Variants in GRIP1 observed in about 807,000 individuals in gnomAD.
GRIP1 encodes the protein glutamate receptor-interacting protein 1.
Under a neutral mutation model 129.9 loss-of-function variants are expected in GRIP1, and 45 were observed. The observed-to-expected ratio is 0.35, with a 90% confidence interval of 0.27 to 0.44. The LOEUF (loss-of-function observed/expected upper bound fraction) is 0.44, where lower values mean the gene tolerates loss of function less well. GRIP1 is among the 20% of genes least tolerant of loss of function. The pLI, the probability that GRIP1 is intolerant of heterozygous loss-of-function variation, is 1.00. For missense variants in GRIP1, 1,196 were observed against 1,396.8 expected (o/e 0.86, Z 2.29); for synonymous variants, 530 against 520.8 (o/e 1.02, Z -0.24).
At chr12:66,557,199 T>A (rs1013842841) in intron 2 of GRIP1, among the ~76,000 whole-genome samples, 2 of 152,070 alleles carry the variant, frequency 1.3e-5, no homozygotes, top group African/African-American at 4.8e-5. Flanking sequence ...ACAAAATAGA[T>A]TTTGAGACAA....
chr12:66,730,899 A>G (rs1267715264), intron 1 of GRIP1, among the ~76,000 whole-genome samples: 1 of 152,124 alleles, frequency 6.6e-6, no homozygotes, highest in Non-Finnish European at 1.5e-5. Context: ...TGAAACTTTA[A>G]TGGCATTCTA....
intron 1 of GRIP1, among the ~76,000 whole-genome samples, chr12:66,812,054 T>C (rs560520817): frequency 6.6e-6 from 1 of 152,362 alleles, no homozygotes; most frequent in South Asian, 2.1e-4. Flanking sequence ...TTTAAAGCAC[T>C]TGTGAGTTTT....
intron 1 of GRIP1, among the ~76,000 whole-genome samples, chr12:66,888,152 C>T (rs1308036571): frequency 2.0e-5 from 3 of 151,922 alleles, no homozygotes; most frequent in African/African-American, 7.3e-5. Context: ...CGACCTGGGG[C>T]TCAAGTGATC....
chr12:66,581,642 C>G (rs1327099385), intron 2 of GRIP1, among the ~76,000 whole-genome samples: 1 of 151,802 alleles, frequency 6.6e-6, no homozygotes, highest in East Asian at 1.9e-4. Flanking sequence ...CGCAAATAAA[C>G]TAGAAAATCT....
chr12:66,683,378 A>C (rs538505564), upstream of GRIP1, among the ~76,000 whole-genome samples: 2 of 152,298 alleles, frequency 1.3e-5, no homozygotes, highest in South Asian at 4.1e-4. Context: ...AGAACTCGCC[A>C]GTAATGAGCT....
chr12:66,401,457 TAATCCCA>T (rs2056984455), intron 16 of GRIP1, among the ~76,000 whole-genome samples: 2 of 151,552 alleles, frequency 1.3e-5, no homozygotes, highest in Admixed American at 1.3e-4. Context: ...TGGACACCTG[TAATCCCA>T]GCTACTTGGG....
At chr12:67,006,867 G>C (rs185319834) in intron 1 of GRIP1, among the ~76,000 whole-genome samples, 1 of 152,308 alleles carries the variant, frequency 6.6e-6, no homozygotes, top group Non-Finnish European at 1.5e-5. Flanking sequence ...TACATGCATG[G>C]GCAATGTTTC....
intron 23 of GRIP1, among the ~76,000 whole-genome samples, chr12:66,363,120 T>C (rs1258839550): frequency 6.8e-6 from 1 of 146,332 alleles, no homozygotes; most frequent in African/African-American, 2.6e-5. Flanking sequence ...TAACTTTATA[T>C]ATATATACAC....
At chr12:66,722,421 G>A (rs1336012567) in intron 1 of GRIP1, among the ~76,000 whole-genome samples, 1 of 152,126 alleles carries the variant, frequency 6.6e-6, no homozygotes, top group Admixed American at 6.6e-5. Context: ...ACATTGATTA[G>A]GTTTGCTGTC....
intron 13 of GRIP1, among the ~76,000 whole-genome samples, chr12:66,438,301 A>C (rs932942370): frequency 6.6e-6 from 1 of 152,110 alleles, no homozygotes; most frequent in African/African-American, 2.4e-5. Context: ...GGACAATTAC[A>C]TACAATAAAA....
At chr12:66,645,902 A>G (rs927426331) in intron 1 of GRIP1, among the ~76,000 whole-genome samples, 5 of 152,212 alleles carry the variant, frequency 3.3e-5, no homozygotes, top group African/African-American at 1.2e-4. Context: ...GAAAATCATC[A>G]ATGTAAGCGT....
At chr12:66,915,419 G>A (rs2041104471) in intron 1 of GRIP1, among the ~76,000 whole-genome samples, 1 of 152,182 alleles carries the variant, frequency 6.6e-6, no homozygotes, top group African/African-American at 2.4e-5. Context: ...GATGAGGGAG[G>A]GAGCTGTCTA....
At chr12:66,614,180 G>T (rs1312497402) in intron 1 of GRIP1, among the ~76,000 whole-genome samples, 1 of 151,676 alleles carries the variant, frequency 6.6e-6, no homozygotes, top group Non-Finnish European at 1.5e-5. Context: ...TTCTTTCCTT[G>T]CTATCACATC....
Position 66,465,258 on chromosome 12 carries a change from C to T in GRIP1, c.872+17G>A, listed in dbSNP as rs1481216016. 2 of 1,612,142 alleles carry T rather than the reference C, an allele frequency of 1.2e-6. No homozygotes were observed. The highest frequency in any genetic ancestry group is 1.7e-6 in the Non-Finnish European group (2 of 1,178,536). ...ACTGCGCCTGGCGGAAAAGTAGGCA[C>T]TTTCTACAATACTTACCTGTCTGCA... On this transcript the variant is annotated intron_variant, in intron 8 of 24. Coordinates refer to ENST00000359742, the MANE Select transcript of GRIP1 (RefSeq NM_001366722.1).
At chr12:66,804,264 A>C, upstream of GRIP1, 1 of 376,094 alleles carries the variant, frequency 2.7e-6, no homozygotes, top group Non-Finnish European at 5.4e-6. Flanking sequence ...CCGGTGGAGC[A>C]TGAATGACCA....
At chr12:66,628,066 C>T (rs1319101370) in intron 1 of GRIP1, among the ~76,000 whole-genome samples, 1 of 152,180 alleles carries the variant, frequency 6.6e-6, no homozygotes, top group Non-Finnish European at 1.5e-5. Flanking sequence ...ACAAAATAAG[C>T]ATCGAGGAGA....
chr12:66,366,349 C>T (rs1199075958), intron 23 of GRIP1, among the ~76,000 whole-genome samples: 1 of 152,174 alleles, frequency 6.6e-6, no homozygotes, highest in Admixed American at 6.5e-5. Flanking sequence ...TTGAAAATGA[C>T]ACTCCTTCTA....
chr12:66,431,896 C>T (rs2058158268), intron 14 of GRIP1, among the ~76,000 whole-genome samples: 1 of 152,100 alleles, frequency 6.6e-6, no homozygotes, highest in Non-Finnish European at 1.5e-5. Flanking sequence ...ATATGCTCCA[C>T]TTTTCTTTCT....
intron 7 of GRIP1, among the ~76,000 whole-genome samples, chr12:66,482,488 G>A (rs923874898): frequency 6.6e-6 from 1 of 152,140 alleles, no homozygotes; most frequent in Non-Finnish European, 1.5e-5. Flanking sequence ...GGGAATCTAC[G>A]AATGTTAATG....
Sources: allele counts gnomAD v4.1 joint callset (sites outside exome capture counted in the v4.1 genomes callset), GRCh38; gene constraint gnomAD v4.1.1; transcripts MANE v1.5; gene names NCBI Gene and HGNC (gene_info 2026-07-23, HGNC 2026-07-21).